SPIN1: variants seen among roughly 807,000 people sequenced by gnomAD.
The protein encoded by SPIN1 is spindlin 1.
Under a neutral mutation model 26.0 loss-of-function variants are expected in SPIN1, and 3 were observed. That is an observed-to-expected ratio of 0.12 (90% CI 0.05 to 0.30). The LOEUF (loss-of-function observed/expected upper bound fraction) is 0.30. Among genes scored for constraint, SPIN1 ranks in the 10% least tolerant of loss-of-function variants. SPIN1 has a pLI of 1.00. For synonymous variants in SPIN1, 101 were observed against 116.5 expected (o/e 0.87, Z 0.86); for missense variants, 126 against 333.4 (o/e 0.38, Z 4.84).
At chr9:88,455,186 C>T (rs527299486) in intron 3 of SPIN1, among the ~76,000 whole-genome samples, 17 of 152,278 alleles carry the variant, frequency 1.1e-4, no homozygotes, top group African/African-American at 3.4e-4. Context: ...TGTGTTCTGC[C>T]GGGCGCGGTG....
In SPIN1 at chr9:88,443,131, A is replaced by C. The variant is rs904116243; in HGVS notation, c.53-5810A>C. Among the ~76,000 whole-genome samples the C allele has an allele frequency of 5.1e-4, 78 of 151,828 alleles. 3 individuals carry two copies. The highest frequency in any genetic ancestry group is 4.8e-4 in the African/African-American group (20 of 41,366). On this transcript the variant is annotated intron_variant, in intron 2 of 5. Transcript: ENST00000375859. The stretch of plus-strand genomic sequence containing the variant: ...CGAGACTCCATCTCAAAAAAAAAAA[A>C]AAACAAAAAAAAACTCAGTCTTTGC...
At chr9:88,411,943 G>A (rs1366350500) in intron 1 of SPIN1, among the ~76,000 whole-genome samples, 2 of 151,882 alleles carry the variant, frequency 1.3e-5, no homozygotes. Flanking sequence ...AGGCCGAGAC[G>A]GGCAGATCAC....
At chr9:88,463,168 G>A (rs1457268448) in intron 4 of SPIN1, among the ~76,000 whole-genome samples, 2 of 152,108 alleles carry the variant, frequency 1.3e-5, no homozygotes, top group African/African-American at 4.8e-5. Flanking sequence ...AATGATAATT[G>A]TACTTTGAGC....
chr9:88,434,636 T>G (rs1827962639), intron 2 of SPIN1, among the ~76,000 whole-genome samples: 1 of 152,138 alleles, frequency 6.6e-6, no homozygotes, highest in Admixed American at 6.6e-5. Context: ...TCTAGCAGTA[T>G]GTAGAGCTCT....
rs1282753570 is a variant in SPIN1, at chr9:88,396,292, A to C, written c.-159+7754A>C. The stretch of plus-strand genomic sequence containing the variant: ...GCAGATCTGACCATGTCAGCTTTTT[A>C]CTTAAAACTCTAAATGGTGGCCAGG... On this transcript the variant is annotated intron_variant, in intron 1 of 5. Coordinates refer to ENST00000375859, the MANE Select transcript of SPIN1 (RefSeq NM_006717.3). Among the ~76,000 whole-genome samples the C allele has an allele frequency of 2.6e-5, 4 of 151,572 alleles. No individual in the cohort carries two copies. The East Asian group carries it at 7.8e-4, about 29-fold the overall frequency.
At chr9:88,404,926 A>C (rs543358150) in intron 1 of SPIN1, among the ~76,000 whole-genome samples, 10,610 of 107,498 alleles carry the variant, frequency 0.099, 1,060 homozygotes, top group African/African-American at 0.39. Context: ...AAAAAAAAAA[A>C]AAACAAAAAA....
At chr9:88,407,657 A>T (rs1452763645) in intron 1 of SPIN1, among the ~76,000 whole-genome samples, 2 of 151,146 alleles carry the variant, frequency 1.3e-5, no homozygotes, top group South Asian at 2.1e-4. Flanking sequence ...ATTTTTTTTT[A>T]AATTAAAAAA....
chr9:88,474,993 AATATGTGAGTTG>A (rs1295899987), intron 5 of SPIN1, 73 bp from the exon 6 acceptor site: 9 of 1,299,522 alleles, frequency 6.9e-6, no homozygotes, highest in Non-Finnish European at 9.2e-6. Context: ...TATGAAAATA[AATATGTGAGTTG>A]ATTTATATCT....
chr9:88,413,003 A>G (rs1046094286), intron 1 of SPIN1, among the ~76,000 whole-genome samples: 13 of 151,652 alleles, frequency 8.6e-5, no homozygotes, highest in African/African-American at 2.9e-4. Flanking sequence ...AATTTAAGTG[A>G]CAAGACAATA....
intron 2 of SPIN1, among the ~76,000 whole-genome samples, chr9:88,432,648 T>C (rs1276918451): frequency 3.3e-5 from 5 of 150,976 alleles, no homozygotes; most frequent in Admixed American, 2.0e-4. Flanking sequence ...CATGCCCAGC[T>C]AATTTTTTCT....
At chr9:88,422,309 A>AT (rs1827685173) in intron 1 of SPIN1, among the ~76,000 whole-genome samples, 1 of 152,138 alleles carries the variant, frequency 6.6e-6, no homozygotes, top group Non-Finnish European at 1.5e-5. Flanking sequence ...TGAATCTAAA[A>AT]TTTTTTTGTT....
chr9:88,438,870 C>G (rs1206590243), intron 2 of SPIN1, among the ~76,000 whole-genome samples: 1 of 152,220 alleles, frequency 6.6e-6, no homozygotes, highest in East Asian at 1.9e-4. Flanking sequence ...TATTGGAGGA[C>G]TAGAGCAGGG....
At chr9:88,413,068 T>TG (rs1357838119) in intron 1 of SPIN1, among the ~76,000 whole-genome samples, 1 of 143,148 alleles carries the variant, frequency 7.0e-6, no homozygotes, top group African/African-American at 2.9e-5. Context: ...AAATTAAGTT[T>TG]TTTTTTTTTT....
At chr9:88,406,473 T>C (rs1462564417) in intron 1 of SPIN1, among the ~76,000 whole-genome samples, 1 of 152,018 alleles carries the variant, frequency 6.6e-6, no homozygotes, top group East Asian at 1.9e-4. Flanking sequence ...TTTGTATTTT[T>C]AGTAGAGACA....
At chr9:88,461,124 C>A (rs904513370) in intron 3 of SPIN1, among the ~76,000 whole-genome samples, 2 of 152,220 alleles carry the variant, frequency 1.3e-5, no homozygotes, top group Non-Finnish European at 2.9e-5. Flanking sequence ...GTAGCCACCT[C>A]TGTCATACTT....
At chr9:88,445,305 G>T (rs1228135897) in intron 2 of SPIN1, among the ~76,000 whole-genome samples, 1 of 151,892 alleles carries the variant, frequency 6.6e-6, no homozygotes, top group Admixed American at 6.6e-5. Flanking sequence ...CTTCCTGTCT[G>T]TGTCTTGTCT....
At chr9:88,427,904 A>G (rs940369541) in intron 2 of SPIN1, among the ~76,000 whole-genome samples, 1 of 152,136 alleles carries the variant, frequency 6.6e-6, no homozygotes, top group Admixed American at 6.6e-5. Flanking sequence ...TGGCCAAAAA[A>G]TGGGACTATT....
intron 1 of SPIN1, among the ~76,000 whole-genome samples, chr9:88,394,762 C>T (rs961513545): frequency 6.8e-6 from 1 of 146,574 alleles, no homozygotes; most frequent in African/African-American, 2.5e-5. Flanking sequence ...GGGTTGTTTG[C>T]CTGAAATTCT....
chr9:88,394,557 A>C (rs375330305), intron 1 of SPIN1, among the ~76,000 whole-genome samples: 2 of 152,166 alleles, frequency 1.3e-5, no homozygotes, highest in Non-Finnish European at 2.9e-5. Flanking sequence ...ATTCTTAGCA[A>C]CATTAATATA....
Sources: gnomAD v4.1 joint callset for allele counts (sites outside exome capture counted in the v4.1 genomes callset) on GRCh38, gnomAD v4.1.1 for gene constraint, MANE v1.5 for transcripts, NCBI Gene and HGNC (gene_info 2026-07-23, HGNC 2026-07-21) for gene names.